Variants in ZNF765 observed in about 807,000 individuals in gnomAD.
The protein encoded by ZNF765 is zinc finger protein 765.
A neutral mutation model predicts 44.7 loss-of-function variants in ZNF765; 37 were observed. The observed-to-expected ratio is 0.83, with a 90% CI of 0.64 to 1.09. ZNF765 has a LOEUF of 1.09. Ranked by LOEUF, ZNF765 falls within the 50% of genes least tolerant of loss-of-function variation. The probability of loss-of-function intolerance (pLI) is 0.00; values close to 1 mark genes in which losing one functional copy is unlikely to be tolerated. For missense variants in ZNF765, 594 were observed against 626.1 expected (o/e 0.95, Z 0.55); for synonymous variants, 201 against 213.7 (o/e 0.94, Z 0.52).
rs751279826 is a variant in ZNF765 at position 53,408,511 on chromosome 19, G to T, written c.956G>T (p.Arg319Ile). 2 of 1,612,456 alleles carry T rather than the reference G, an allele frequency of 1.2e-6. No individual in the cohort carries two copies. Among genetic ancestry groups the T allele is most frequent in the Non-Finnish European group, 1.7e-6 (2 of 1,179,298 alleles). ...HFKSKLQIHR[R>I]IHTGEKPYKC... ...AAATCAAAGCTTCAAATACATAGGA[G>T]AATTCATACTGGAGAGAAACCGTAC... Residue 319 changes from arginine (R) to isoleucine (I), a missense_variant, in exon 4 of 4, where the codon AGA becomes ATA. Transcript: ENST00000396408.
At chr19:53,395,272 A>T (rs1414034609) in intron 1 of ZNF765, 79 bp downstream of exon 1, 1 of 152,156 alleles carries the variant, frequency 6.6e-6, no homozygotes, top group African/African-American at 2.4e-5. Flanking sequence ...TGGGGTCTCC[A>T]CTAACCTGGA....
At chr19:53,415,938 CTTTTG>C (rs577441419), downstream of ZNF765, among the ~76,000 whole-genome samples, 102 of 122,510 alleles carry the variant, frequency 8.3e-4, no homozygotes, top group African/African-American at 2.6e-3. Flanking sequence ...AGATAACTTT[CTTTTG>C]TTTTGTTTTG....
exon 4 of ZNF765, chr19:53,423,175 C>T (rs760349607): frequency 1.4e-6 from 1 of 699,884 alleles, no homozygotes; most frequent in South Asian, 1.5e-5. Context: ...CCCCCAAGCA[C>T]GCTGGCTCCT....
chr19:53,400,618 C>CACATAT lies in ZNF765; in HGVS notation c.16-1435_16-1430dup, dbSNP rs199535718. On this transcript the variant is annotated intron_variant, in intron 2 of 3. Transcript: ENST00000396408. ...CACCCACACACACAATATACACATA[C>CACATAT]ACATATACATATACATACATATACA... 8.6e-3 allele frequency among the ~76,000 whole-genome samples: 1,313 copies of CACATAT among 152,040 alleles called. 10 individuals carry two copies. Among genetic ancestry groups the CACATAT allele is most frequent in the Middle Eastern group, 0.02 (6 of 294 alleles).
At chr19:53,424,083 A>G (rs1052377896) in exon 4 of ZNF765, 1 of 152,206 alleles carries the variant, frequency 6.6e-6, no homozygotes, top group Non-Finnish European at 1.5e-5. Context: ...GTTTTGTCGG[A>G]TCCAGAAATC....
intron 3 of ZNF765, among the ~76,000 whole-genome samples, chr19:53,419,892 G>A (rs909711760): frequency 2.0e-5 from 3 of 151,780 alleles, no homozygotes; most frequent in Admixed American, 6.6e-5. Context: ...GGTGGCAGGC[G>A]CCTGTAATCC....
intron 2 of ZNF765, among the ~76,000 whole-genome samples, chr19:53,401,275 G>C (rs914760721): frequency 3.3e-5 from 5 of 152,090 alleles, no homozygotes; most frequent in African/African-American, 4.8e-5. Context: ...GTCAATAAAT[G>C]TTTCTGGGCC....
rs1037402013 is a variant in ZNF765, at chr19:53,411,114, A to C, written c.*1987A>C. The C allele has an allele frequency of 1.7e-5, 4 of 237,468 alleles. No individual in the cohort carries two copies. The Admixed American group carries it at 2.0e-4, about 12-fold the overall frequency. 14.7% of individuals were successfully genotyped at this position (237,468 alleles called of 1,614,324 possible). A position where few individuals can be genotyped will look rare whatever the true frequency, so the allele number is the denominator to read the frequency against. On this transcript the variant is annotated 3_prime_UTR_variant, in exon 4 of 4. Coordinates refer to ENST00000396408, the MANE Select transcript of ZNF765 (RefSeq NM_001040185.3). Reference sequence around the variant, plus strand: ...TTGAGTTGAAGCCTTAATTGACATTAAAGTGTTTATGTTAAGAGGACTGGG... The same window carrying C: ...TTGAGTTGAAGCCTTAATTGACATTCAAGTGTTTATGTTAAGAGGACTGGG...
intron 2 of ZNF765, among the ~76,000 whole-genome samples, chr19:53,401,517 C>G (rs558208676): frequency 6.7e-5 from 10 of 149,142 alleles, no homozygotes; most frequent in South Asian, 2.1e-4. Context: ...GAGCCGAGAT[C>G]GCGCCACTGT....
At chr19:53,416,481 G>A (rs888934938), downstream of ZNF765, among the ~76,000 whole-genome samples, 4 of 152,022 alleles carry the variant, frequency 2.6e-5, no homozygotes, top group Non-Finnish European at 5.9e-5. Context: ...CTTTTTGCAG[G>A]TAACATAAAC....
chr19:53,409,544 A>C lies in ZNF765; in HGVS notation c.*417A>C. On this transcript the variant is annotated 3_prime_UTR_variant, in exon 4 of 4. Transcript: ENST00000396408. ...ACTGGAGAGAAACCTTACAAATGTGAAGAATTTGAGTTTTCCATTTCAAAT... is the reference window on the plus strand; with the variant it reads ...ACTGGAGAGAAACCTTACAAATGTGCAGAATTTGAGTTTTCCATTTCAAAT... 1 of 1,105,072 alleles carries C rather than the reference A, an allele frequency of 9.0e-7. No individual in the cohort carries two copies. The allele number at this position is 1,105,072 out of a possible 1,614,324, so 68.5% of individuals were successfully genotyped here.
At chr19:53,406,342 T>C (rs1465828021) in intron 3 of ZNF765, among the ~76,000 whole-genome samples, 1 of 151,974 alleles carries the variant, frequency 6.6e-6, no homozygotes, top group Non-Finnish European at 1.5e-5. Context: ...AGTCAATTCT[T>C]ATTCCTTATA....
At chr19:53,413,427 C>T, downstream of ZNF765, 1 of 487,610 alleles carries the variant, frequency 2.1e-6, no homozygotes, top group Admixed American at 2.4e-5. Flanking sequence ...AAAATGTCAC[C>T]ACTATCTGGA....
intron 3 of ZNF765, among the ~76,000 whole-genome samples, chr19:53,420,843 T>G (rs1036640073): frequency 3.9e-5 from 6 of 152,296 alleles, no homozygotes; most frequent in African/African-American, 1.2e-4. Context: ...CACAGGGACC[T>G]CTGCCTAGGA....
downstream of ZNF765, among the ~76,000 whole-genome samples, chr19:53,414,433 CA>C: frequency 1.5e-5 from 1 of 68,888 alleles, no homozygotes; most frequent in Non-Finnish European, 2.7e-5. Flanking sequence ...TGACCCTCCC[CA>C]CCACACACAC....
At position 53,407,829 on chromosome 19, in the gene ZNF765, A is replaced by G. The variant is rs1380463557; in HGVS notation, c.274A>G (p.Lys92Glu). The change falls in exon 4 of 4, where the codon AAA becomes GAA. Residue 92 changes from lysine (K) to glutamate (E), a missense_variant. Transcript: ENST00000396408. The part of the protein sequence containing the change: ...NGDFCFQDID[K>E]DIHDIEFQWQ... The stretch of plus-strand genomic sequence containing the variant: ...AGATTTTTGTTTCCAGGATATTGAT[A>G]AAGATATTCATGACATTGAGTTTCA... The G allele has an allele frequency of 6.2e-7, 1 of 1,613,572 alleles. No homozygotes were observed. The highest frequency in any genetic ancestry group is 2.2e-5 in the East Asian group (1 of 44,870).
rs1286142509 is a variant in ZNF765 at position 53,411,343 on chromosome 19, A to G, written c.*2216A>G. ...GTTTCACTCTTGTTGCCCAGGCTGG[A>G]CTGCAATGGAGCGATCCCAGCTCAC... On this transcript the variant is annotated 3_prime_UTR_variant, in exon 4 of 4. Coordinates refer to ENST00000396408, the MANE Select transcript of ZNF765 (RefSeq NM_001040185.3). 7.1e-6 allele frequency: 1 copy of G among 141,020 alleles called. No individual in the cohort carries two copies. The highest frequency in any genetic ancestry group is 1.5e-5 in the Non-Finnish European group (1 of 67,412). 8.7% of individuals were successfully genotyped at this position (141,020 alleles called of 1,614,324 possible). A position where few individuals can be genotyped will look rare whatever the true frequency, so the allele number is the denominator to read the frequency against.
At chr19:53,399,888 C>T (rs1568774569) in intron 2 of ZNF765, among the ~76,000 whole-genome samples, 1 of 152,100 alleles carries the variant, frequency 6.6e-6, no homozygotes, top group Non-Finnish European at 1.5e-5. Context: ...GATCTCAACT[C>T]ACTGCAACCT....
intron 1 of ZNF765, 150 bp downstream of exon 1, chr19:53,395,343 G>A (rs1239207211): frequency 6.6e-6 from 1 of 152,464 alleles, no homozygotes; most frequent in Non-Finnish European, 1.5e-5. Flanking sequence ...GAGTCCGGGG[G>A]TCGCTTCCTT....
Sources: allele counts gnomAD v4.1 joint callset (sites outside exome capture counted in the v4.1 genomes callset), GRCh38; gene constraint gnomAD v4.1.1; transcripts MANE v1.5; gene names NCBI Gene and HGNC (gene_info 2026-07-23, HGNC 2026-07-21).